The following THADA variants were observed in gnomAD, a reference collection of about 807,000 sequenced individuals.
THADA encodes tRNA (32-2'-O)-methyltransferase regulator THADA.
THADA carries 213 observed loss-of-function variants against 219.8 expected under a neutral mutation model. The observed-to-expected ratio is 0.97, with a 90% CI of 0.87 to 1.09. The LOEUF is 1.09. Among genes scored for constraint, THADA ranks in the 50% least tolerant of loss-of-function variants. The pLI is 0.00. For synonymous variants in THADA, 1,018 were observed against 828.9 expected, an observed-to-expected ratio of 1.23 and a Z score of -3.92; for missense variants, 2,956 against 2,311.3, an observed-to-expected ratio of 1.28 and a Z score of -5.72.
intron 30 of THADA, among the ~76,000 whole-genome samples, chr2:43,326,663 G>C (rs1679373776): frequency 1.3e-5 from 2 of 152,144 alleles, no homozygotes; most frequent in Non-Finnish European, 2.9e-5. Flanking sequence ...GAAATGATAT[G>C]GGATGAGTCA....
At chr2:43,362,848 T>A (rs969924720) in intron 29 of THADA, among the ~76,000 whole-genome samples, 5 of 152,212 alleles carry the variant, frequency 3.3e-5, no homozygotes, top group East Asian at 3.8e-4. Context: ...CCTTATTTTT[T>A]AAGCTTTTTC....
chr2:43,556,135 T>C, intron 17 of THADA: 1 of 1,124,988 alleles, frequency 8.9e-7, no homozygotes, highest in Non-Finnish European at 1.2e-6. Context: ...TTTGTATATG[T>C]ACTTATTCAA....
intron 24 of THADA, among the ~76,000 whole-genome samples, chr2:43,503,345 A>G (rs972362739): frequency 3.9e-5 from 6 of 152,256 alleles, no homozygotes; most frequent in African/African-American, 1.4e-4. Flanking sequence ...AAATAGAATA[A>G]AATACTGTTC....
Position 43,272,993 on chromosome 2 carries a change from A to C in THADA, c.5296+6772T>G, listed in dbSNP as rs192413860. On this transcript the variant is annotated intron_variant, in intron 36 of 37. Coordinates refer to ENST00000405975, the MANE Select transcript of THADA (RefSeq NM_022065.5). Reference sequence around the variant, plus strand: ...GCCAGGCACGGTGGCTCATGCCTGTAATCCCAGCATTTTGGGAGGCCAAGG... The same window carrying C: ...GCCAGGCACGGTGGCTCATGCCTGTCATCCCAGCATTTTGGGAGGCCAAGG... Among the ~76,000 whole-genome samples, 128 of 152,200 alleles carry C rather than the reference A, an allele frequency of 8.4e-4. No homozygotes were observed. In the Middle Eastern group the frequency reaches 0.01, roughly 12 times the overall value.
At chr2:43,569,546 T>C (rs1376740111) in intron 14 of THADA, among the ~76,000 whole-genome samples, 1 of 152,186 alleles carries the variant, frequency 6.6e-6, no homozygotes, top group East Asian at 1.9e-4. Context: ...TTTTAAAAGG[T>C]CGAAGCTAAT....
chr2:43,289,601 C>G (rs1341051887), intron 34 of THADA, among the ~76,000 whole-genome samples: 1 of 152,212 alleles, frequency 6.6e-6, no homozygotes, highest in Non-Finnish European at 1.5e-5. Flanking sequence ...CCTTGGCAGG[C>G]TTGTTAGGCT....
chr2:43,554,020 C>G (rs1697057446), intron 17 of THADA, among the ~76,000 whole-genome samples: 1 of 152,098 alleles, frequency 6.6e-6, no homozygotes, highest in South Asian at 2.1e-4. Flanking sequence ...AGACAAAAGT[C>G]CCTTATCAGA....
intron 16 of THADA, among the ~76,000 whole-genome samples, chr2:43,556,958 C>A (rs190490470): frequency 1.3e-5 from 2 of 152,216 alleles, no homozygotes; most frequent in Non-Finnish European, 2.9e-5. Flanking sequence ...TGGTGCACAC[C>A]TGTAGTCCCA....
chr2:43,321,167 AG>A (rs891187880), intron 30 of THADA, among the ~76,000 whole-genome samples: 36 of 152,364 alleles, frequency 2.4e-4, no homozygotes, highest in African/African-American at 7.9e-4. Flanking sequence ...TATATACAAA[AG>A]GATGAAGAAA....
intron 22 of THADA, among the ~76,000 whole-genome samples, chr2:43,522,171 T>C (rs1267664491): frequency 6.6e-6 from 1 of 152,188 alleles, no homozygotes; most frequent in Non-Finnish European, 1.5e-5. Context: ...TGCAGGAAGG[T>C]TGTTTGCATG....
chr2:43,365,353 T>C (rs889108893), intron 29 of THADA, among the ~76,000 whole-genome samples: 10 of 151,950 alleles, frequency 6.6e-5, no homozygotes, highest in Non-Finnish European at 1.5e-4. Context: ...GGCAGATCAC[T>C]TGAGGTCACG....
intron 31 of THADA, among the ~76,000 whole-genome samples, chr2:43,312,939 T>C (rs1238298338): frequency 6.6e-6 from 1 of 152,178 alleles, no homozygotes; most frequent in African/African-American, 2.4e-5. Flanking sequence ...TTTGTTAAAA[T>C]GGAAATAGTT....
intron 36 of THADA, among the ~76,000 whole-genome samples, chr2:43,277,016 C>T (rs2104297485): frequency 6.6e-6 from 1 of 152,324 alleles, no homozygotes; most frequent in African/African-American, 2.4e-5. Context: ...TCCTCTCCAT[C>T]CCAACCCCAC....
At chr2:43,312,561 C>G (rs765718877) in intron 31 of THADA, among the ~76,000 whole-genome samples, 4 of 151,962 alleles carry the variant, frequency 2.6e-5, no homozygotes, top group Non-Finnish European at 5.9e-5. Flanking sequence ...AATAACATAC[C>G]CTATATTATT....
intron 25 of THADA, among the ~76,000 whole-genome samples, chr2:43,489,927 T>G (rs1383483761): frequency 1.3e-4 from 18 of 140,944 alleles, no homozygotes; most frequent in Non-Finnish European, 2.4e-4. Flanking sequence ...TTGTGCTGAA[T>G]CTATAGATTA....
intron 28 of THADA, among the ~76,000 whole-genome samples, chr2:43,420,643 T>G (rs1677591877): frequency 6.6e-6 from 1 of 152,214 alleles, no homozygotes. Context: ...ATGCATTCCA[T>G]AAGAGGTGAA....
At chr2:43,255,665 C>T (rs563389065) in intron 36 of THADA, among the ~76,000 whole-genome samples, 22 of 152,302 alleles carry the variant, frequency 1.4e-4, no homozygotes, top group Non-Finnish European at 2.1e-4. Context: ...GTATTGGAGT[C>T]GGGGAATGCT....
rs995704076 is a variant in THADA, at chr2:43,391,792, C to T, written c.4227+6179G>A. 3 of 152,220 alleles carry T rather than the reference C, an allele frequency of 2.0e-5. No homozygotes were observed. The South Asian group carries it at 6.2e-4, about 32-fold the overall frequency. The allele number at this position is 152,220 out of a possible 1,614,324, so 9.4% of individuals were successfully genotyped here. On this transcript the variant is annotated intron_variant, in intron 29 of 37. Transcript: ENST00000405975. ...GAGAGCTGAAGGAATCAATAAATACCTTGGCACATCCATAGCCACGCCACT... is the reference window on the plus strand; with the variant it reads ...GAGAGCTGAAGGAATCAATAAATACTTTGGCACATCCATAGCCACGCCACT...
chr2:43,568,047 TGAGATTTTG>T (rs947741299), intron 14 of THADA, among the ~76,000 whole-genome samples: 1 of 152,038 alleles, frequency 6.6e-6, no homozygotes, highest in African/African-American at 2.4e-5. Flanking sequence ...GAGAAAATAC[TGAGATTTTG>T]GAGTCAAGAG....
Sources: gnomAD v4.1 joint callset for allele counts (sites outside exome capture counted in the v4.1 genomes callset) on GRCh38, gnomAD v4.1.1 for gene constraint, MANE v1.5 for transcripts, NCBI Gene and HGNC (gene_info 2026-07-23, HGNC 2026-07-21) for gene names.